Variants in TNRC18 observed in about 807,000 individuals in gnomAD.
The protein encoded by TNRC18 is trinucleotide repeat containing 18.
In TNRC18, 69 loss-of-function variants were observed where a neutral mutation model predicts 226.7. The ratio of observed to expected loss-of-function variants is 0.30; its 90% CI spans 0.25 to 0.37. The LOEUF is 0.37. TNRC18 is among the 10% of genes least tolerant of loss of function. The probability of loss-of-function intolerance (pLI) is 1.00; values close to 1 mark genes in which losing one functional copy is unlikely to be tolerated. For missense variants in TNRC18, 4,754 were observed against 4,256.6 expected (o/e 1.12, Z -3.25); for synonymous variants, 2,449 against 1,927.6 (o/e 1.27, Z -7.09).
intron 3 of TNRC18, among the ~76,000 whole-genome samples, chr7:5,392,993 C>G (rs553997300): frequency 6.6e-6 from 1 of 152,316 alleles, no homozygotes. Context: ...GTCTGGGCGA[C>G]AGAGCAAGAC....
intron 2 of TNRC18, among the ~76,000 whole-genome samples, chr7:5,404,979 G>T (rs1196342980): frequency 1.3e-5 from 2 of 152,004 alleles, no homozygotes; most frequent in Non-Finnish European, 2.9e-5. Flanking sequence ...TTAGCTGGGT[G>T]TGGCTGCATG....
intron 27 of TNRC18, among the ~76,000 whole-genome samples, chr7:5,311,185 C>T (rs1000337690): frequency 7.1e-6 from 1 of 141,100 alleles, no homozygotes; most frequent in Non-Finnish European, 1.6e-5. Context: ...TGTACATGTG[C>T]ACACATATGT....
intron 27 of TNRC18, among the ~76,000 whole-genome samples, chr7:5,310,271 C>A (rs1469384438): frequency 6.6e-6 from 1 of 152,100 alleles, no homozygotes; most frequent in African/African-American, 2.4e-5. Context: ...ACTCTATCGC[C>A]CAGGCTGGAG....
Position 5,351,935 on chromosome 7 carries a change from G to T in TNRC18, c.5354C>A (p.Pro1785His), listed in dbSNP as rs773186697. The change falls in exon 17 of 30, where the codon CCC becomes CAC. Residue 1785 changes from proline to histidine, a missense_variant. Transcript: ENST00000430969. ...PKLTKRGLAA[P>H]RTLKPKPATS... ...GGCCGGCTTGGGTTTCAGAGTCCGG[G>T]GGGCCGCCAGGCCCCTCTTGGTCAG... is the stretch of plus-strand genomic sequence containing the variant. The T allele has an allele frequency of 1.5e-5, 24 of 1,613,698 alleles. No homozygotes were observed. In the African/African-American group the frequency reaches 2.8e-4, roughly 19 times the overall value.
At chr7:5,356,895 G>T (rs1268698264) in intron 16 of TNRC18, 21 bp downstream of exon 16, 3 of 1,507,966 alleles carry the variant, frequency 2.0e-6, no homozygotes, top group Non-Finnish European at 2.7e-6. Flanking sequence ...GACCAGAGGT[G>T]GCGCGGCATA....
intron 11 of TNRC18, among the ~76,000 whole-genome samples, chr7:5,363,583 G>A (rs181258399): frequency 2.2e-3 from 331 of 152,096 alleles, no homozygotes; most frequent in African/African-American, 7.7e-3. Context: ...CAGCCTGGGT[G>A]ACAGAGGGAG....
rs78498775 is a variant in TNRC18, at chr7:5,382,158, A to C, written c.2153-4134T>G. Among the ~76,000 whole-genome samples the C allele has an allele frequency of 8.1e-4, 124 of 152,196 alleles. 3 individuals carry two copies. The highest frequency in any genetic ancestry group is 2.8e-3 in the African/African-American group (116 of 41,502). ...CAGATGAGGAAACTGAGGCACAGGGAGATAAAGAAACATGCCCAAGTCACA... is the reference window on the plus strand; with the variant it reads ...CAGATGAGGAAACTGAGGCACAGGGCGATAAAGAAACATGCCCAAGTCACA... On this transcript the variant is annotated intron_variant, in intron 5 of 29. Transcript: ENST00000430969.
Position 5,345,615 on chromosome 7 carries a change from T to C in TNRC18, c.5666A>G (p.Gln1889Arg). 1 of 1,533,228 alleles carries C rather than the reference T, an allele frequency of 6.5e-7. No homozygotes were observed. The highest frequency in any genetic ancestry group is 8.8e-7 in the Non-Finnish European group (1 of 1,135,836). 95.0% of individuals were successfully genotyped at this position (1,533,228 alleles called of 1,614,324 possible). A position where few individuals can be genotyped will look rare whatever the true frequency, so the allele number is the denominator to read the frequency against. Residue 1889 changes from glutamine to arginine, a missense_variant, in exon 18 of 30, where the codon CAG becomes CGG. Physicochemically the swap from Gln to Arg is conservative, Grantham distance 43. Coordinates refer to ENST00000430969, the MANE Select transcript of TNRC18 (RefSeq NM_001080495.3). Reference protein sequence around the residue: ...PTVGPSLSVVQLEAKQKARKK... With the variant: ...PTVGPSLSVVRLEAKQKARKK... ...CCGGGCCTTCTGCTTGGCCTCCAGC[T>C]GTACCACAGACAGGGATGGACCCAC...
At chr7:5,396,347 C>CA (rs921126760) in intron 2 of TNRC18, among the ~76,000 whole-genome samples, 14 of 149,294 alleles carry the variant, frequency 9.4e-5, no homozygotes, top group Admixed American at 3.3e-4. Flanking sequence ...GACTCCGTCT[C>CA]AAAAAAAAAC....
intron 16 of TNRC18, among the ~76,000 whole-genome samples, chr7:5,352,893 G>C (rs1434029301): frequency 6.6e-6 from 1 of 152,226 alleles, no homozygotes; most frequent in Admixed American, 6.5e-5. Context: ...ATAATCCCCT[G>C]ATCTGCTGAA....
rs139113451 is a variant in TNRC18 at position 5,343,576 on chromosome 7, C to A, written c.5719+1986G>T. Among the ~76,000 whole-genome samples the A allele has an allele frequency of 7.3e-3, 1,117 of 152,230 alleles. 6 individuals carry two copies. Among genetic ancestry groups the A allele is most frequent in the Admixed American group, 0.013 (191 of 15,278 alleles). On this transcript the variant is annotated intron_variant, in intron 18 of 29. Transcript: ENST00000430969. The stretch of plus-strand genomic sequence containing the variant: ...TAGCTGGGACCAGAGGCGCATGCTA[C>A]CGTGCCTGGCTAATTTTTCTGTTTA...
chr7:5,344,111 A>C (rs911082370), intron 18 of TNRC18, among the ~76,000 whole-genome samples: 4 of 152,236 alleles, frequency 2.6e-5, no homozygotes, highest in African/African-American at 9.6e-5. Flanking sequence ...ACCATATGCC[A>C]ATACCTTGGG....
At chr7:5,333,465 C>T (rs75394514) in intron 18 of TNRC18, among the ~76,000 whole-genome samples, 2 of 152,214 alleles carry the variant, frequency 1.3e-5, no homozygotes, top group Non-Finnish European at 2.9e-5. Flanking sequence ...TTCTCTCCCC[C>T]GTTCTTGGTG....
In TNRC18 at chr7:5,312,790, T is replaced by C. The variant is rs1443144102; in HGVS notation, c.8101A>G (p.Thr2701Ala). The C allele has an allele frequency of 6.5e-7, 1 of 1,532,924 alleles. No homozygotes were observed. Among genetic ancestry groups the C allele is most frequent in the East Asian group, 2.3e-5 (1 of 44,088 alleles). 95.0% of individuals were successfully genotyped at this position (1,532,924 alleles called of 1,614,324 possible). Residue 2701 changes from threonine (T) to alanine (A), a missense_variant, in exon 27 of 30, where the codon ACC becomes GCC. Physicochemically the swap from Thr to Ala is moderately conservative, Grantham distance 58. Coordinates refer to ENST00000430969, the MANE Select transcript of TNRC18 (RefSeq NM_001080495.3). This position sits in a 1 kb window ranked among gnomAD's most constrained non-coding sequence, Gnocchi z 6.3. ...AGPSAQAALP[T>A]KATKQAGKAR... ...TTGCCGGCCTGCTTGGTGGCCTTGG[T>C]GGGGAGCGCCGCCTGCGCGGAAGGG...
chr7:5,316,960 C>T (rs1242120321), intron 24 of TNRC18, among the ~76,000 whole-genome samples: 7 of 152,072 alleles, frequency 4.6e-5, no homozygotes, highest in Non-Finnish European at 8.8e-5. Context: ...CTGGGAGCTT[C>T]ACCCTAGAGA....
intron 5 of TNRC18, among the ~76,000 whole-genome samples, chr7:5,384,450 G>C (rs1341666338): frequency 6.6e-6 from 1 of 152,162 alleles, no homozygotes; most frequent in Non-Finnish European, 1.5e-5. Context: ...GAGAAGAGCA[G>C]CTTCAGATAA....
chr7:5,339,541 A>ATGTGTGTGTG lies in TNRC18; in HGVS notation c.5719+6011_5719+6020dup, dbSNP rs71536907. On this transcript the variant is annotated intron_variant, in intron 18 of 29. Transcript: ENST00000430969. ...AGGCGCGAGCTATCGTGCCCAGCCA[A>ATGTGTGTGTG]TGTGTGTGTGTGTGTGTGTGTGTGT... 2.0e-3 allele frequency among the ~76,000 whole-genome samples: 268 copies of ATGTGTGTGTG among 137,156 alleles called. 1 individual carries two copies. Among genetic ancestry groups the ATGTGTGTGTG allele is most frequent in the African/African-American group, 6.2e-3 (225 of 36,490 alleles). 90.0% of individuals were successfully genotyped at this position (137,156 alleles called of 152,430 possible). A position where few individuals can be genotyped will look rare whatever the true frequency, so the allele number is the denominator to read the frequency against.
intron 24 of TNRC18, among the ~76,000 whole-genome samples, chr7:5,316,739 G>C (rs966750884): frequency 2.6e-5 from 4 of 152,234 alleles, no homozygotes; most frequent in African/African-American, 9.6e-5. Context: ...GGCGGCAGTG[G>C]GAGACCGTGG....
At position 5,324,133 on chromosome 7, in the gene TNRC18, C is replaced by A. The variant is rs928381382; in HGVS notation, c.6442+81G>T. Reference sequence around the variant, plus strand: ...CCCCCAGCTAGCCCAGCCCTTCAGTCTCAAGCCTTGCTCAGATCTGCCTCC... The same window carrying A: ...CCCCCAGCTAGCCCAGCCCTTCAGTATCAAGCCTTGCTCAGATCTGCCTCC... On this transcript the variant is annotated intron_variant, in intron 21 of 29. Coordinates refer to ENST00000430969, the MANE Select transcript of TNRC18 (RefSeq NM_001080495.3). This position sits in a 1 kb window ranked among gnomAD's most constrained non-coding sequence, Gnocchi z 4.8. 3.0e-5 allele frequency: 44 copies of A among 1,469,922 alleles called. No homozygotes were observed. The highest frequency in any genetic ancestry group is 3.7e-5 in the Non-Finnish European group (41 of 1,099,892). 91.1% of individuals were successfully genotyped at this position (1,469,922 alleles called of 1,614,324 possible). A position where few individuals can be genotyped will look rare whatever the true frequency, so the allele number is the denominator to read the frequency against.
Sources: gnomAD v4.1 joint callset for allele counts (sites outside exome capture counted in the v4.1 genomes callset) on GRCh38, gnomAD v4.1.1 for gene constraint, Gnocchi (gnomAD v3.1) non-coding constraint, MANE v1.5 for transcripts, NCBI Gene and HGNC (gene_info 2026-07-23, HGNC 2026-07-21) for gene names.